Variants in CCDC102B observed in about 807,000 individuals in gnomAD.
CCDC102B encodes the protein coiled-coil domain containing 102B.
Under a neutral mutation model 57.4 loss-of-function variants are expected in CCDC102B, and 75 were observed. That is an observed-to-expected ratio of 1.31 (90% CI 1.08 to 1.58). CCDC102B has a LOEUF of 1.58. CCDC102B is among the 40% of genes most tolerant of loss of function. The pLI is 0.00. For synonymous variants in CCDC102B, 206 were observed against 201.9 expected (o/e 1.02, Z -0.17); for missense variants, 636 against 582.6 (o/e 1.09, Z -0.94).
intron 6 of CCDC102B, among the ~76,000 whole-genome samples, chr18:68,909,655 G>GT (rs2040771145): frequency 6.6e-6 from 1 of 152,174 alleles, no homozygotes; most frequent in Admixed American, 6.5e-5. Context: ...GAGAAGGATA[G>GT]TTTTTTGAGA....
chr18:69,024,633 T>A (rs2051935200), intron 7 of CCDC102B, among the ~76,000 whole-genome samples: 1 of 152,044 alleles, frequency 6.6e-6, no homozygotes, highest in Non-Finnish European at 1.5e-5. Context: ...GTTTTTCTTT[T>A]ACGTGGGATA....
At chr18:69,016,370 A>G (rs2051668763) in intron 7 of CCDC102B, among the ~76,000 whole-genome samples, 1 of 152,200 alleles carries the variant, frequency 6.6e-6, no homozygotes, top group African/African-American at 2.4e-5. Context: ...AATGAGTGCA[A>G]CTTAAGCAAT....
At chr18:68,848,386 T>C (rs1388930813) in intron 4 of CCDC102B, among the ~76,000 whole-genome samples, 1 of 151,974 alleles carries the variant, frequency 6.6e-6, no homozygotes, top group Non-Finnish European at 1.5e-5. Flanking sequence ...GCCTAAAATG[T>C]TAAAAGCAAA....
chr18:68,858,030 C>A (rs1391408773), intron 4 of CCDC102B, among the ~76,000 whole-genome samples: 4 of 152,156 alleles, frequency 2.6e-5, no homozygotes, highest in Non-Finnish European at 5.9e-5. Flanking sequence ...CTGGGATTCT[C>A]CCCACTGTCC....
chr18:68,764,742 A>G (rs1009166217), intron 2 of CCDC102B, among the ~76,000 whole-genome samples: 2 of 152,088 alleles, frequency 1.3e-5, no homozygotes, highest in Non-Finnish European at 2.9e-5. Flanking sequence ...AATATCCATC[A>G]ACACTTTCTA....
intron 6 of CCDC102B, among the ~76,000 whole-genome samples, chr18:68,948,702 C>T (rs1334805433): frequency 5.3e-5 from 8 of 152,080 alleles, no homozygotes; most frequent in Admixed American, 3.9e-4. Flanking sequence ...CCTTCTGTCC[C>T]ATTTCCCCAC....
At chr18:68,765,397 AAGG>A (rs921855602) in intron 2 of CCDC102B, among the ~76,000 whole-genome samples, 6 of 149,930 alleles carry the variant, frequency 4.0e-5, no homozygotes, top group Middle Eastern at 3.4e-3. Flanking sequence ...AAAGAAAAGA[AAGG>A]AAGGAAGGAA....
intron 2 of CCDC102B, among the ~76,000 whole-genome samples, chr18:68,837,976 A>G (rs1269137498): frequency 2.0e-5 from 3 of 152,222 alleles, no homozygotes; most frequent in African/African-American, 7.2e-5. Flanking sequence ...TACTTAAAAA[A>G]TAAAATAAAA....
chr18:68,997,424 C>T (rs551590520), intron 6 of CCDC102B, among the ~76,000 whole-genome samples: 6 of 152,178 alleles, frequency 3.9e-5, no homozygotes, highest in East Asian at 3.9e-4. Context: ...CTTTATTTAT[C>T]GGTAAGCATG....
chr18:68,743,967 T>C (rs2033514494), intron 2 of CCDC102B, among the ~76,000 whole-genome samples: 1 of 152,244 alleles, frequency 6.6e-6, no homozygotes, highest in African/African-American at 2.4e-5. Flanking sequence ...ATTTTTATTT[T>C]GGATTTAAAT....
intron 5 of CCDC102B, among the ~76,000 whole-genome samples, chr18:68,892,702 A>G (rs1418628777): frequency 1.3e-5 from 2 of 152,196 alleles, no homozygotes; most frequent in Admixed American, 6.5e-5. Context: ...ATTACAAAAA[A>G]TTACTTTAAG....
At chr18:68,732,548 T>C (rs2032927805) in intron 2 of CCDC102B, among the ~76,000 whole-genome samples, 1 of 152,070 alleles carries the variant, frequency 6.6e-6, no homozygotes, top group African/African-American at 2.4e-5. Flanking sequence ...GGTTTCACCA[T>C]GTTGGCCAGG....
chr18:68,790,056 C>A lies in CCDC102B; in HGVS notation c.-66-33310C>A, dbSNP rs1472473798. Among the ~76,000 whole-genome samples, 6 of 147,856 alleles carry A rather than the reference C, an allele frequency of 4.1e-5. No homozygotes were observed. In the South Asian group the frequency reaches 6.4e-4, roughly 16 times the overall value. On this transcript the variant is annotated intron_variant, in intron 2 of 3. Transcript: ENST00000578970. ...TTAGTTTTCCTTCTAACAGACAGGA[C>A]CCTCAGCTGCAGGTCTGTTGGAATA... is the stretch of plus-strand genomic sequence containing the variant.
intron 2 of CCDC102B, among the ~76,000 whole-genome samples, chr18:68,738,096 C>T (rs1433150094): frequency 1.3e-5 from 2 of 152,076 alleles, no homozygotes; most frequent in Non-Finnish European, 2.9e-5. Context: ...CATTGAAGCT[C>T]ATGACTCCCT....
intron 2 of CCDC102B, among the ~76,000 whole-genome samples, chr18:68,749,837 A>T (rs1400856499): frequency 6.6e-6 from 1 of 152,118 alleles, no homozygotes; most frequent in Non-Finnish European, 1.5e-5. Flanking sequence ...CTAGAATAAA[A>T]CCTAGGCAAT....
intron 5 of CCDC102B, among the ~76,000 whole-genome samples, chr18:68,887,028 A>G (rs2039912698): frequency 6.6e-6 from 1 of 152,088 alleles, no homozygotes; most frequent in South Asian, 2.1e-4. Flanking sequence ...AAAATTTTCA[A>G]TACTCATTCT....
chr18:68,984,414 T>C (rs561823538), intron 6 of CCDC102B, among the ~76,000 whole-genome samples: 1 of 152,246 alleles, frequency 6.6e-6, no homozygotes, highest in Non-Finnish European at 1.5e-5. Context: ...AAGAGTTTCC[T>C]ACCAGAATAT....
At chr18:68,796,657 A>G (rs2035638441), upstream of CCDC102B, among the ~76,000 whole-genome samples, 1 of 152,110 alleles carries the variant, frequency 6.6e-6, no homozygotes, top group Admixed American at 6.6e-5. Flanking sequence ...ATGAGGCATC[A>G]TCAAAGAGGG....
chr18:68,908,651 T>TA (rs1049051999), intron 6 of CCDC102B: 1 of 152,156 alleles, frequency 6.6e-6, no homozygotes, highest in African/African-American at 2.4e-5. Flanking sequence ...TTGGACTTCT[T>TA]AAAAACATAG....
Sources: gnomAD v4.1 joint callset for allele counts (sites outside exome capture counted in the v4.1 genomes callset) on GRCh38, gnomAD v4.1.1 for gene constraint, MANE v1.5 for transcripts, NCBI Gene and HGNC (gene_info 2026-07-23, HGNC 2026-07-21) for gene names.